Variants in GABRA3 observed in about 807,000 individuals in gnomAD.
The protein encoded by GABRA3 is gamma-aminobutyric acid receptor subunit alpha-3.
Under a neutral mutation model 30.1 loss-of-function variants are expected in GABRA3, and 10 were observed. The ratio of observed to expected loss-of-function variants is 0.33; its 90% CI spans 0.20 to 0.56. The LOEUF is 0.56. Ranked by LOEUF, GABRA3 falls within the 20% of genes least tolerant of loss-of-function variation. The pLI, the probability that GABRA3 is intolerant of heterozygous loss-of-function variation, is 0.89. For synonymous variants in GABRA3, 151 were observed against 146.8 expected (o/e 1.03, Z -0.21); for missense variants, 233 against 392.0 (o/e 0.59, Z 3.42).
At chrX:152,291,641 T>C (rs1603235103) in intron 3 of GABRA3, among the ~76,000 whole-genome samples, 1 of 111,736 alleles carries the variant, frequency 8.9e-6, no homozygotes, top group East Asian at 2.8e-4. Flanking sequence ...TGATATTGGC[T>C]GTGGGTTTGT....
At chrX:152,358,496 A>G in intron 2 of GABRA3, among the ~76,000 whole-genome samples, 1 of 111,682 alleles carries the variant, frequency 9.0e-6, no homozygotes, top group African/African-American at 3.3e-5. Flanking sequence ...AAACAGAGAT[A>G]GTTAGACTCC....
intron 5 of GABRA3, among the ~76,000 whole-genome samples, chrX:152,225,495 G>A (rs1190291222): frequency 9.3e-6 from 1 of 107,641 alleles, no homozygotes; most frequent in African/African-American, 3.4e-5. Flanking sequence ...CAAAGGTGAT[G>A]GAGGACATCG....
intron 7 of GABRA3, among the ~76,000 whole-genome samples, chrX:152,201,285 A>G (rs1236239521): frequency 9.0e-6 from 1 of 111,141 alleles, no homozygotes; most frequent in Non-Finnish European, 1.9e-5. Flanking sequence ...TCCCACCTCC[A>G]CCCTTTTGTC....
chrX:152,193,353 T>A (rs1282984377), intron 8 of GABRA3, among the ~76,000 whole-genome samples: 1 of 112,069 alleles, frequency 8.9e-6, no homozygotes, highest in Non-Finnish European at 1.9e-5. Flanking sequence ...TGTTGTTGCA[T>A]CTATCTATGG....
At chrX:152,207,827 A>G (rs1014006737) in intron 7 of GABRA3, among the ~76,000 whole-genome samples, 174 bp downstream of exon 7, 2 of 112,354 alleles carry the variant, frequency 1.8e-5, no homozygotes, top group Non-Finnish European at 3.7e-5. Flanking sequence ...TTGCCATTGC[A>G]TAACTGTGAC....
chrX:152,236,665 T>G (rs1221008517), intron 5 of GABRA3, among the ~76,000 whole-genome samples: 1 of 107,808 alleles, frequency 9.3e-6, no homozygotes, highest in Non-Finnish European at 1.9e-5. Context: ...TGTTGTTTCC[T>G]GACTTTTTAA....
At chrX:152,410,887 G>A (rs1430260673) in intron 1 of GABRA3, among the ~76,000 whole-genome samples, 1 of 111,784 alleles carries the variant, frequency 8.9e-6, no homozygotes, top group East Asian at 2.8e-4. Flanking sequence ...GACTCACTAG[G>A]AAGAGACTTC....
At chrX:152,375,640 G>C (rs1928975123) in intron 1 of GABRA3, among the ~76,000 whole-genome samples, 1 of 111,658 alleles carries the variant, frequency 9.0e-6, no homozygotes, top group Admixed American at 9.5e-5. Context: ...CACTGTATTT[G>C]TCTAGAAACC....
chrX:152,249,711 G>A (rs1938519691), intron 5 of GABRA3, among the ~76,000 whole-genome samples: 1 of 110,750 alleles, frequency 9.0e-6, no homozygotes, highest in Admixed American at 9.6e-5. Context: ...CTGTACTCTG[G>A]TCCAATCACA....
At chrX:152,214,031 G>A (rs919693531) in intron 6 of GABRA3, among the ~76,000 whole-genome samples, 5 of 110,836 alleles carry the variant, frequency 4.5e-5, no homozygotes, top group Non-Finnish European at 9.5e-5. Flanking sequence ...GCCCAAATAC[G>A]AAACATTGCA....
chrX:152,394,000 C>T (rs1929572638), intron 1 of GABRA3, among the ~76,000 whole-genome samples: 1 of 111,412 alleles, frequency 9.0e-6, no homozygotes, highest in Admixed American at 9.6e-5. Flanking sequence ...TTATTATACA[C>T]GATCAAGGGA....
intron 4 of GABRA3, among the ~76,000 whole-genome samples, chrX:152,256,578 T>C (rs1347557069): frequency 1.8e-5 from 2 of 111,913 alleles, no homozygotes; most frequent in South Asian, 3.7e-4. Context: ...AGCAAAGTCA[T>C]GAAATGGATA....
chrX:152,359,182 G>C (rs186095726), intron 2 of GABRA3, among the ~76,000 whole-genome samples: 13 of 111,369 alleles, frequency 1.2e-4, no homozygotes, highest in East Asian at 1.1e-3. Flanking sequence ...GAATTAATTT[G>C]TTCCTAGACT....
intron 5 of GABRA3, among the ~76,000 whole-genome samples, chrX:152,226,725 T>C (rs1423200903): frequency 4.5e-5 from 5 of 111,510 alleles, no homozygotes; most frequent in Non-Finnish European, 7.5e-5. Flanking sequence ...GGGCGAAGGA[T>C]ATGAACAGAC....
intron 1 of GABRA3, among the ~76,000 whole-genome samples, chrX:152,417,352 G>A (rs1278176238): frequency 2.4e-4 from 26 of 108,484 alleles, no homozygotes; most frequent in Non-Finnish European, 4.2e-4. Context: ...TTAGAATGGT[G>A]ATCATTAAAA....
At chrX:152,209,964 T>C in intron 6 of GABRA3, among the ~76,000 whole-genome samples, 1 of 112,766 alleles carries the variant, frequency 8.9e-6, no homozygotes, top group East Asian at 2.8e-4. Context: ...AGATTTCTAG[T>C]TGGACACATA....
intron 3 of GABRA3, among the ~76,000 whole-genome samples, chrX:152,333,786 T>C (rs919773682): frequency 3.6e-5 from 4 of 111,806 alleles, no homozygotes; most frequent in Non-Finnish European, 7.5e-5. Flanking sequence ...AATATACTAA[T>C]TTATGAATTA....
intron 1 of GABRA3, among the ~76,000 whole-genome samples, chrX:152,429,618 T>C (rs190242453): frequency 3.7e-4 from 41 of 111,859 alleles, no homozygotes; most frequent in African/African-American, 1.3e-3. Flanking sequence ...ATCAGAAACA[T>C]TGTCTTCAAC....
chrX:152,291,559 G>C (rs903729399), intron 3 of GABRA3, among the ~76,000 whole-genome samples: 3 of 111,752 alleles, frequency 2.7e-5, no homozygotes, highest in East Asian at 2.8e-4. Context: ...TTGAATAGGA[G>C]TGGTGGGAGA....
Sources: allele counts gnomAD v4.1 joint callset (sites outside exome capture counted in the v4.1 genomes callset), GRCh38; gene constraint gnomAD v4.1.1; transcripts MANE v1.5; gene names NCBI Gene and HGNC (gene_info 2026-07-23, HGNC 2026-07-21).